CPED1: variants seen among roughly 807,000 people sequenced by gnomAD.
CPED1 encodes the protein cadherin-like and PC-esterase domain-containing protein 1.
CPED1 carries 114 observed loss-of-function variants against 128.2 expected under a neutral mutation model. The observed-to-expected ratio is 0.89, with a 90% confidence interval of 0.76 to 1.04. The LOEUF is 1.04. CPED1 is among the 50% of genes least tolerant of loss of function. CPED1 has a pLI of 0.00. For missense variants in CPED1, 1,211 were observed against 1,207.1 expected, an observed-to-expected ratio of 1.00 and a Z score of -0.05; for synonymous variants, 462 against 426.7, an observed-to-expected ratio of 1.08 and a Z score of -1.02.
intron 10 of CPED1, 57 bp downstream of exon 10, chr7:121,127,314 T>A (rs1335983665): frequency 9.2e-7 from 1 of 1,091,778 alleles, no homozygotes; most frequent in Non-Finnish European, 1.3e-6. Context: ...TTAGAAGGTG[T>A]CATTCTCCTT....
intron 2 of CPED1, among the ~76,000 whole-genome samples, chr7:120,991,439 A>G (rs1260503803): frequency 2.6e-5 from 4 of 152,216 alleles, no homozygotes; most frequent in African/African-American, 9.6e-5. Context: ...TGTGACTGTT[A>G]AAGTCATTTC....
At chr7:121,252,310 A>C (rs1215554014) in intron 18 of CPED1, among the ~76,000 whole-genome samples, 5 of 152,194 alleles carry the variant, frequency 3.3e-5, no homozygotes, top group African/African-American at 1.2e-4. Context: ...TACAAAAATT[A>C]ATTCAAGATG....
chr7:121,246,228 G>C (rs1307176090), intron 18 of CPED1, among the ~76,000 whole-genome samples: 1 of 152,182 alleles, frequency 6.6e-6, no homozygotes, highest in East Asian at 1.9e-4. Flanking sequence ...CTACGGTTTT[G>C]GACACGACAC....
intron 7 of CPED1, among the ~76,000 whole-genome samples, chr7:121,115,513 A>G (rs776373962): frequency 3.1e-4 from 47 of 152,148 alleles, no homozygotes; most frequent in Non-Finnish European, 4.4e-4. Flanking sequence ...TAAGACCTAA[A>G]ATAGATACCC....
At chr7:121,196,004 CG>C (rs1293653247) in intron 16 of CPED1, among the ~76,000 whole-genome samples, 2 of 151,916 alleles carry the variant, frequency 1.3e-5, no homozygotes, top group Non-Finnish European at 2.9e-5. Context: ...CCTAGAAGGC[CG>C]GGGGGAGATG....
chr7:121,129,471 A>G (rs1795609806), intron 11 of CPED1, among the ~76,000 whole-genome samples: 1 of 151,118 alleles, frequency 6.6e-6, no homozygotes, highest in African/African-American at 2.4e-5. Flanking sequence ...TAATTTCCCC[A>G]AAGATAATTG....
intron 7 of CPED1, among the ~76,000 whole-genome samples, chr7:121,123,478 T>C: frequency 6.6e-6 from 1 of 152,204 alleles, no homozygotes; most frequent in South Asian, 2.1e-4. Context: ...GTTCTTCATC[T>C]TTAAAAGAGT....
chr7:121,096,901 G>A (rs1438906052), intron 5 of CPED1, among the ~76,000 whole-genome samples: 1 of 151,974 alleles, frequency 6.6e-6, no homozygotes, highest in Non-Finnish European at 1.5e-5. Flanking sequence ...ATAGGTTCAT[G>A]TAGATACATT....
intron 14 of CPED1, among the ~76,000 whole-genome samples, chr7:121,139,761 AAC>A (rs1795860394): frequency 6.6e-6 from 1 of 152,084 alleles, no homozygotes; most frequent in Non-Finnish European, 1.5e-5. Context: ...GGGAAAAAAC[AAC>A]AGTTACTAAA....
Position 121,128,365 on chromosome 7 carries a change from TC to T in CPED1, c.1303-12del, listed in dbSNP as rs745368013. The T allele has an allele frequency of 6.6e-6, 9 of 1,367,674 alleles. No homozygotes were observed. The East Asian group carries it at 1.8e-4, about 28-fold the overall frequency. 84.7% of individuals were successfully genotyped at this position (1,367,674 alleles called of 1,614,324 possible). On this transcript the variant is annotated splice_polypyrimidine_tract_variant and intron_variant, in intron 10 of 22. Coordinates refer to ENST00000310396, the MANE Select transcript of CPED1 (RefSeq NM_024913.5). ...CTTTTTAACAATTGCTTAAGTTCTTTCCCCCTACCAATACAGGGTGAAAACT... is the reference window on the plus strand; with the variant it reads ...CTTTTTAACAATTGCTTAAGTTCTTTCCCCTACCAATACAGGGTGAAAACT...
chr7:121,161,015 T>G (rs1375838167), intron 16 of CPED1, among the ~76,000 whole-genome samples: 1 of 152,024 alleles, frequency 6.6e-6, no homozygotes, highest in Non-Finnish European at 1.5e-5. Context: ...AGGAAAAAAT[T>G]TAGGAAAGTT....
intron 16 of CPED1, among the ~76,000 whole-genome samples, chr7:121,197,151 A>G (rs573228635): frequency 1.7e-3 from 256 of 149,312 alleles, no homozygotes; most frequent in Middle Eastern, 6.9e-3. Flanking sequence ...AGAGGACCCA[A>G]TAAGTCCTGG....
At chr7:121,051,030 G>T in intron 4 of CPED1, 2 of 542,538 alleles carry the variant, frequency 3.7e-6, no homozygotes, top group Middle Eastern at 3.3e-4. Context: ...CAGCAGCGAA[G>T]GATAAATCTT....
intron 5 of CPED1, among the ~76,000 whole-genome samples, chr7:121,088,637 C>T (rs989233165): frequency 2.7e-5 from 4 of 146,534 alleles, no homozygotes; most frequent in East Asian, 2.0e-4. Flanking sequence ...CCAGCCTGGG[C>T]GACGGTGCGA....
chr7:121,153,274 A>G (rs10235934), intron 16 of CPED1, among the ~76,000 whole-genome samples: 66,774 of 152,048 alleles, frequency 0.44, 15,928 homozygotes, highest in East Asian at 0.84. Flanking sequence ...TTCATATATT[A>G]TAATCAACTA....
At chr7:121,070,862 C>T (rs946451017) in intron 5 of CPED1, among the ~76,000 whole-genome samples, 7 of 152,102 alleles carry the variant, frequency 4.6e-5, no homozygotes, top group African/African-American at 1.7e-4. Context: ...TCGTAAATAA[C>T]TGAAGCAAGT....
chr7:121,045,468 G>T (rs1793173004), intron 3 of CPED1, among the ~76,000 whole-genome samples: 1 of 152,202 alleles, frequency 6.6e-6, no homozygotes, highest in Non-Finnish European at 1.5e-5. Context: ...GATTGGTGGG[G>T]AGTGAAATTT....
chr7:121,043,944 T>A (rs1372385813), intron 3 of CPED1, among the ~76,000 whole-genome samples: 1 of 152,218 alleles, frequency 6.6e-6, no homozygotes, highest in Non-Finnish European at 1.5e-5. Flanking sequence ...GGCATTTGCC[T>A]CCTAAATGCT....
intron 16 of CPED1, among the ~76,000 whole-genome samples, chr7:121,227,919 A>C (rs902448438): frequency 6.6e-6 from 1 of 152,114 alleles, no homozygotes; most frequent in East Asian, 1.9e-4. Flanking sequence ...TGAGATTTGC[A>C]AAATATTTTT....
Sources: allele counts gnomAD v4.1 joint callset (sites outside exome capture counted in the v4.1 genomes callset), GRCh38; gene constraint gnomAD v4.1.1; transcripts MANE v1.5; gene names NCBI Gene and HGNC (gene_info 2026-07-23, HGNC 2026-07-21).